The following IL3RA variants were observed in gnomAD, a reference collection of about 807,000 sequenced individuals.
IL3RA encodes interleukin-3 receptor subunit alpha.
In IL3RA, 73 loss-of-function variants were observed where a neutral mutation model predicts 52.3. The observed-to-expected ratio is 1.40, with a 90% CI of 1.16 to 1.70. The LOEUF is 1.70. Ranked by LOEUF, IL3RA falls within the 40% of genes most tolerant of loss-of-function variation. IL3RA has a pLI of 0.00. For missense variants in IL3RA, 664 were observed against 504.4 expected, an observed-to-expected ratio of 1.32 and a Z score of -3.03; for synonymous variants, 260 against 194.0, an observed-to-expected ratio of 1.34 and a Z score of -2.83.
chrX:1,341,728 C>G lies in IL3RA; in HGVS notation c.-38C>G. 1 of 1,612,108 alleles carries G rather than the reference C, an allele frequency of 6.2e-7. No homozygotes were observed. Among genetic ancestry groups the G allele is most frequent in the Non-Finnish European group, 8.5e-7 (1 of 1,178,798 alleles). On this transcript the variant is annotated splice_region_variant and 5_prime_UTR_variant, in exon 2 of 12. Coordinates refer to ENST00000331035, the MANE Select transcript of IL3RA (RefSeq NM_002183.4). The stretch of plus-strand genomic sequence containing the variant: ...TGCCTGACTCTCGTTTCTCCTGCAG[C>G]AGGCACCTCTGTCCTGCGTTCCGGA...
chrX:1,363,001 C>G (rs2087581713), intron 8 of IL3RA, among the ~76,000 whole-genome samples: 1 of 152,062 alleles, frequency 6.6e-6, no homozygotes, highest in Admixed American at 6.6e-5. Context: ...ACCTCGAACT[C>G]CTGACCTCAG....
intron 8 of IL3RA, among the ~76,000 whole-genome samples, chrX:1,364,798 A>T (rs7474331): frequency 0.85 from 123,299 of 144,724 alleles, 51,203 homozygotes; most frequent in African/African-American, 0.9. Flanking sequence ...TCTTTTATTT[A>T]TTTATTTATT....
chrX:1,359,072 C>T (rs1266371077), intron 8 of IL3RA, among the ~76,000 whole-genome samples, 185 bp downstream of exon 8: 1 of 151,698 alleles, frequency 6.6e-6, no homozygotes, highest in Non-Finnish European at 1.5e-5. Flanking sequence ...TGAGTGTCAC[C>T]CTTACTGCGA....
At chrX:1,337,012 G>C (rs1424262024) in intron 1 of IL3RA, 86 bp downstream of exon 1, 1 of 152,206 alleles carries the variant, frequency 6.6e-6, no homozygotes, top group Admixed American at 6.6e-5. Context: ...ATCCAAGCTG[G>C]CAGACACGGG....
rs68004442 is a variant in IL3RA at position 1,353,326 on chromosome X, A to AC, written c.616+827dup. On this transcript the variant is annotated intron_variant, in intron 6 of 11. Coordinates refer to ENST00000331035, the MANE Select transcript of IL3RA (RefSeq NM_002183.4). ...CATGGATTCCATCATGGGTCATGGG[A>AC]CCCCCCCATCATGGGTCCCATCATG... 2.0e-4 allele frequency among the ~76,000 whole-genome samples: 27 copies of AC among 134,846 alleles called. 1 individual carries two copies. Among genetic ancestry groups the AC allele is most frequent in the East Asian group, 1.3e-3 (5 of 3,936 alleles). The allele number at this position is 134,846 out of a possible 152,430, so 88.5% of individuals were successfully genotyped here.
chrX:1,361,267 G>T (rs2087326909), intron 8 of IL3RA, among the ~76,000 whole-genome samples: 1 of 146,468 alleles, frequency 6.8e-6, no homozygotes, highest in African/African-American at 2.7e-5. Context: ...TTCTTTCTCT[G>T]CCTCTGTCTG....
At chrX:1,337,005 C>T (rs1404149270) in intron 1 of IL3RA, 79 bp downstream of exon 1, 1 of 152,192 alleles carries the variant, frequency 6.6e-6, no homozygotes, top group African/African-American at 2.4e-5. Context: ...TTCCCAAATC[C>T]AAGCTGGCAG....
chrX:1,352,069 T>C, intron 4 of IL3RA, 31 bp from the exon 5 acceptor site: 1 of 1,611,346 alleles, frequency 6.2e-7, no homozygotes, highest in South Asian at 1.1e-5. Flanking sequence ...CCGGTCCCGA[T>C]TCGAGTTCTC....
chrX:1,373,813 A>G (rs2088612667), intron 9 of IL3RA, among the ~76,000 whole-genome samples: 1 of 66,980 alleles, frequency 1.5e-5, no homozygotes, highest in Non-Finnish European at 2.5e-5. Flanking sequence ...GGACACAGAC[A>G]CACACGGAGG....
At position 1,352,465 on chromosome X, in the gene IL3RA, G is replaced by A. The variant is rs765701468; in HGVS notation, c.575G>A (p.Gly192Asp). ...GTGCGGGGCAGGAGCGCAGCCTTCG[G>A]TATCCCCTGCACAGATAAGTTTGTC... Reference protein sequence around the residue: ...ILVRGRSAAFGIPCTDKFVVF... With the variant: ...ILVRGRSAAFDIPCTDKFVVF... The change falls in exon 6 of 12, where the codon GGT (glycine) becomes GAT (aspartate). Residue 192 changes from glycine to aspartate, a missense_variant. Physicochemically the swap from Gly to Asp is moderately conservative, Grantham distance 94. Transcript: ENST00000331035. 3 of 1,613,694 alleles carry A rather than the reference G, an allele frequency of 1.9e-6. No individual in the cohort carries two copies. The highest frequency in any genetic ancestry group is 2.2e-5 in the South Asian group (2 of 91,084).
chrX:1,352,631 C>G, intron 6 of IL3RA, 125 bp downstream of exon 6: 1 of 1,065,404 alleles, frequency 9.4e-7, no homozygotes, highest in Admixed American at 2.5e-5. Flanking sequence ...TTTCCAGAGG[C>G]TGGACGTTGG....
At chrX:1,344,734 C>G (rs1242464766) in intron 2 of IL3RA, among the ~76,000 whole-genome samples, 7 of 151,552 alleles carry the variant, frequency 4.6e-5, no homozygotes, top group Non-Finnish European at 7.4e-5. Flanking sequence ...GATCGTGCCA[C>G]TGCACTCCAG....
At position 1,347,423 on chromosome X, in the gene IL3RA, C is replaced by A. The variant is rs757528125; in HGVS notation, c.184-1008C>A. Among the ~76,000 whole-genome samples the A allele has an allele frequency of 3.4e-5, 5 of 148,154 alleles. 1 individual carries two copies. On this transcript the variant is annotated intron_variant, in intron 3 of 11. Coordinates refer to ENST00000331035, the MANE Select transcript of IL3RA (RefSeq NM_002183.4). The stretch of plus-strand genomic sequence containing the variant: ...TCGCGCCACTGCACTCCAGCCTGGG[C>A]GACAGAGCGAGACTCTGTCTCAAAA...
chrX:1,344,847 A>C (rs1468115084), intron 2 of IL3RA, among the ~76,000 whole-genome samples: 1 of 149,982 alleles, frequency 6.7e-6, no homozygotes, highest in African/African-American at 2.5e-5. Flanking sequence ...GGGCAAAAAA[A>C]CCATACCCAT....
rs145602140 is a variant in IL3RA at position 1,378,678 on chromosome X, C to T, written c.894C>T (p.Gly298=). Residue 298 remains glycine (G), a synonymous_variant, in exon 10 of 12, where the codon GGC becomes GGT. Coordinates refer to ENST00000331035, the MANE Select transcript of IL3RA (RefSeq NM_002183.4). The part of the protein sequence containing the change: ...PQRFECDQEE[G]ANTRAWRTSL... ...CCCTAGAGTGCGACCAGGAGGAGGG[C>T]GCAAACACACGTGCCTGGCGGACGT... The T allele has an allele frequency of 1.9e-5, 31 of 1,612,462 alleles. No homozygotes were observed. The highest frequency in any genetic ancestry group is 1.6e-4 in the African/African-American group (12 of 74,916).
intron 7 of IL3RA, among the ~76,000 whole-genome samples, chrX:1,356,733 T>C (rs1165692948): frequency 2.3e-4 from 35 of 151,636 alleles, no homozygotes; most frequent in Non-Finnish European, 4.4e-4. Flanking sequence ...GATCGCGCCA[T>C]TGCACTCCAG....
Position 1,382,548 on chromosome X carries a change from C to A in IL3RA, c.*83C>A. On this transcript the variant is annotated 3_prime_UTR_variant, in exon 12 of 12. Transcript: ENST00000331035. ...CTGCACAGACTGGCTGCTGGACCTGCGCACGCAGCCCAGGAATGGACATTC... is the reference window on the plus strand; with the variant it reads ...CTGCACAGACTGGCTGCTGGACCTGAGCACGCAGCCCAGGAATGGACATTC... 1.6e-6 allele frequency: 2 copies of A among 1,252,566 alleles called. No individual in the cohort carries two copies. The highest frequency in any genetic ancestry group is 1.2e-6 in the Non-Finnish European group (1 of 851,014). 77.6% of individuals were successfully genotyped at this position (1,252,566 alleles called of 1,614,324 possible). A position where few individuals can be genotyped will look rare whatever the true frequency, so the allele number is the denominator to read the frequency against.
chrX:1,341,063 GC>G (rs1166920176), intron 1 of IL3RA, among the ~76,000 whole-genome samples: 1 of 152,072 alleles, frequency 6.6e-6, no homozygotes, highest in Non-Finnish European at 1.5e-5. Flanking sequence ...GTTGCAGTGA[GC>G]CCAGATCACG....
chrX:1,348,963 C>T (rs1474158345), intron 4 of IL3RA, among the ~76,000 whole-genome samples: 1 of 147,322 alleles, frequency 6.8e-6, no homozygotes, highest in Non-Finnish European at 1.5e-5. Context: ...CCTTCCCTTT[C>T]TCTCTCTCTC....
Sources: gnomAD v4.1 joint callset for allele counts (sites outside exome capture counted in the v4.1 genomes callset) on GRCh38, gnomAD v4.1.1 for gene constraint, MANE v1.5 for transcripts, NCBI Gene and HGNC (gene_info 2026-07-23, HGNC 2026-07-21) for gene names.